Variants in LARGE1 observed in about 807,000 individuals in gnomAD.
LARGE1 encodes the protein LARGE xylosyl- and glucuronyltransferase 1.
LARGE1 carries 43 observed loss-of-function variants against 87.6 expected under a neutral mutation model. The observed-to-expected ratio is 0.49, with a 90% CI of 0.38 to 0.63. LARGE1 has a LOEUF of 0.63. Ranked by LOEUF, LARGE1 falls within the 30% of genes least tolerant of loss-of-function variation. LARGE1 has a pLI of 0.00. For synonymous variants in LARGE1, 434 were observed against 394.6 expected, an observed-to-expected ratio of 1.10 and a Z score of -1.18; for missense variants, 802 against 1,000.2, an observed-to-expected ratio of 0.80 and a Z score of 2.67.
chr22:33,617,512 T>C (rs2079615020), intron 4 of LARGE1, among the ~76,000 whole-genome samples: 1 of 152,222 alleles, frequency 6.6e-6, no homozygotes, highest in Admixed American at 6.5e-5. Flanking sequence ...AATATATGAT[T>C]CAAGGCTATT....
chr22:33,549,291 T>C lies in LARGE1; in HGVS notation c.787+15557A>G, dbSNP rs79251215. On this transcript the variant is annotated intron_variant, in intron 6 of 14. Transcript: ENST00000397394. The stretch of plus-strand genomic sequence containing the variant: ...TATATTAGATGCTTCTAATAATCTA[T>C]GTATATGCATTTAGGAGGAAAAAAA... Among the ~76,000 whole-genome samples, 282 of 152,328 alleles carry C rather than the reference T, an allele frequency of 1.9e-3. 2 individuals carry two copies. Among genetic ancestry groups the C allele is most frequent in the African/African-American group, 6.4e-3 (266 of 41,578 alleles).
chr22:33,620,007 A>G (rs1029297), intron 4 of LARGE1, among the ~76,000 whole-genome samples: 116,374 of 152,112 alleles, frequency 0.77, 45,105 homozygotes, highest in African/African-American at 0.9. Context: ...GAGCAGAACC[A>G]GAACCCAGGC....
At chr22:33,120,337 CTT>C in the LARGE1 span, among the ~76,000 whole-genome samples, 1 of 146,962 alleles carries the variant, frequency 6.8e-6, no homozygotes, top group Admixed American at 6.8e-5. Context: ...TTCTTTCTTT[CTT>C]TTTCTTTCTT....
intron 6 of LARGE1, among the ~76,000 whole-genome samples, chr22:33,531,303 GC>G (rs1264405491): frequency 1.3e-5 from 2 of 151,908 alleles, no homozygotes; most frequent in Non-Finnish European, 2.9e-5. Context: ...GATTACAGGT[GC>G]CCGCCACCAT....
chr22:33,203,124 T>TGC (rs1409915950), intron 11 of LARGE1, among the ~76,000 whole-genome samples: 1 of 150,518 alleles, frequency 6.6e-6, no homozygotes, highest in African/African-American at 2.4e-5. Flanking sequence ...TGTGTGTGTG[T>TGC]GCAAGAGAGA....
intron 2 of LARGE1, among the ~76,000 whole-genome samples, chr22:33,688,867 C>T (rs962733924): frequency 3.3e-5 from 5 of 152,004 alleles, no homozygotes; most frequent in African/African-American, 4.8e-5. Flanking sequence ...TGGTAGGGCA[C>T]GCTGATTGGT....
At chr22:33,648,008 C>T (rs1049468294) in intron 3 of LARGE1, among the ~76,000 whole-genome samples, 16 of 152,144 alleles carry the variant, frequency 1.1e-4, no homozygotes, top group Non-Finnish European at 1.9e-4. Context: ...CCACCCACCT[C>T]GGACTCCCAA....
intron 11 of LARGE1, among the ~76,000 whole-genome samples, chr22:33,169,442 G>C (rs764302988): frequency 6.6e-6 from 1 of 152,004 alleles, no homozygotes; most frequent in Non-Finnish European, 1.5e-5. Context: ...TGACTTTCAG[G>C]CTATAAATCA....
chr22:33,250,275 G>A (rs573530313), intron 11 of LARGE1, among the ~76,000 whole-genome samples: 2 of 151,972 alleles, frequency 1.3e-5, no homozygotes, highest in South Asian at 2.1e-4. Flanking sequence ...TCATTTTAAA[G>A]GTGTTAATGT....
the LARGE1 span, among the ~76,000 whole-genome samples, chr22:33,074,783 A>G: frequency 1.3e-5 from 2 of 152,208 alleles, no homozygotes; most frequent in African/African-American, 4.8e-5. Flanking sequence ...TTAGTCTTAT[A>G]TCTGGGAAGT....
intron 11 of LARGE1, among the ~76,000 whole-genome samples, chr22:33,208,574 CTTTT>C (rs58306311): frequency 6.7e-6 from 1 of 148,724 alleles, no homozygotes; most frequent in Admixed American, 6.8e-5. Flanking sequence ...AAACAAGTCA[CTTTT>C]TTTTTTTATT....
chr22:33,347,505 T>C (rs1257048701), intron 9 of LARGE1, among the ~76,000 whole-genome samples: 1 of 152,238 alleles, frequency 6.6e-6, no homozygotes, highest in African/African-American at 2.4e-5. Flanking sequence ...GAGAAACATA[T>C]TCCCCTTTTC....
chr22:33,855,877 T>C (rs2063741668), intron 1 of LARGE1, among the ~76,000 whole-genome samples: 1 of 152,190 alleles, frequency 6.6e-6, no homozygotes, highest in African/African-American at 2.4e-5. Flanking sequence ...CATGAAGGAC[T>C]ACTGTCATCT....
At chr22:33,507,752 G>A (rs1015776071) in intron 6 of LARGE1, among the ~76,000 whole-genome samples, 3 of 152,106 alleles carry the variant, frequency 2.0e-5, no homozygotes, top group Admixed American at 1.3e-4. Flanking sequence ...TCTGAAGCAC[G>A]GTGTTCTGGT....
the LARGE1 span, among the ~76,000 whole-genome samples, chr22:33,124,645 C>G: frequency 6.6e-6 from 1 of 152,190 alleles, no homozygotes. Context: ...CCACCATCCT[C>G]TCTTCACTCC....
chr22:33,507,339 T>G (rs558071961), intron 6 of LARGE1, among the ~76,000 whole-genome samples: 5 of 152,242 alleles, frequency 3.3e-5, no homozygotes, highest in African/African-American at 1.2e-4. Context: ...CTAAGGATGC[T>G]GACAGTCCTG....
chr22:33,405,001 T>C (rs540857920), intron 7 of LARGE1, among the ~76,000 whole-genome samples: 1 of 152,190 alleles, frequency 6.6e-6, no homozygotes, highest in African/African-American at 2.4e-5. Flanking sequence ...CATTGGGTAG[T>C]GGGGAAGAGG....
In LARGE1 at chr22:33,505,492, A is replaced by G. The variant is rs532285217; in HGVS notation, c.787+59356T>C. Among the ~76,000 whole-genome samples the G allele has an allele frequency of 7.2e-5, 11 of 152,224 alleles. No individual in the cohort carries two copies. The South Asian group carries it at 2.3e-3, about 32-fold the overall frequency. On this transcript the variant is annotated intron_variant, in intron 6 of 14. Coordinates refer to ENST00000397394, the MANE Select transcript of LARGE1 (RefSeq NM_133642.5). ...TTCCCTGGAAGAAGAAAAGGCTCACAGGGCCCATTATAGATGCCTCACACA... is the reference window on the plus strand; with the variant it reads ...TTCCCTGGAAGAAGAAAAGGCTCACGGGGCCCATTATAGATGCCTCACACA...
chr22:33,068,207 C>T, the LARGE1 span, among the ~76,000 whole-genome samples: 1 of 152,120 alleles, frequency 6.6e-6, no homozygotes, highest in Non-Finnish European at 1.5e-5. Flanking sequence ...GATTGGGTCA[C>T]CTCACTATGG....
Sources: allele counts gnomAD v4.1 joint callset (sites outside exome capture counted in the v4.1 genomes callset), GRCh38; gene constraint gnomAD v4.1.1; transcripts MANE v1.5; gene names NCBI Gene and HGNC (gene_info 2026-07-23, HGNC 2026-07-21).